KBTBD13: variants seen among roughly 807,000 people sequenced by gnomAD.
KBTBD13 encodes the protein kelch repeat and BTB domain-containing protein 13.
A neutral mutation model predicts 25.4 loss-of-function variants in KBTBD13; 32 were observed. The observed-to-expected ratio is 1.26, with a 90% CI of 0.95 to 1.69. The LOEUF is 1.69. Ranked by LOEUF, KBTBD13 falls within the 40% of genes most tolerant of loss-of-function variation. KBTBD13 has a pLI of 0.00. For synonymous variants in KBTBD13, 436 were observed against 329.8 expected, an observed-to-expected ratio of 1.32 and a Z score of -3.49; for missense variants, 898 against 679.5, an observed-to-expected ratio of 1.32 and a Z score of -3.57.
At position 65,077,485 on chromosome 15, in the gene KBTBD13, G is replaced by A. The variant is rs377035059; in HGVS notation, c.670G>A (p.Val224Met). The change falls in exon 1 of 1, where the codon GTG becomes ATG. Residue 224 changes from valine to methionine, a missense_variant. Physicochemically the swap from Val to Met is conservative, Grantham distance 21 (BLOSUM62 1). Transcript: ENST00000432196. ...VGGVRGASKE[V>M]VELGFCYDPD... ...GGGCGTGCGCGGCGCCAGCAAGGAGGTGGTAGAGCTGGGCTTCTGCTACGA... is the reference window on the plus strand; with the variant it reads ...GGGCGTGCGCGGCGCCAGCAAGGAGATGGTAGAGCTGGGCTTCTGCTACGA... 93 of 1,524,116 alleles carry A rather than the reference G, an allele frequency of 6.1e-5. No homozygotes were observed. Among genetic ancestry groups the A allele is most frequent in the Non-Finnish European group, 5.9e-5 (67 of 1,138,530 alleles). 94.4% of individuals were successfully genotyped at this position (1,524,116 alleles called of 1,614,324 possible).
Position 65,077,339 on chromosome 15 carries a change from G to A in KBTBD13, c.524G>A (p.Arg175His), listed in dbSNP as rs1226640143. Residue 175 changes from arginine (R) to histidine (H), a missense_variant, in exon 1 of 1, where the codon CGC becomes CAC. By Grantham distance (29) the Arg-to-His change is conservative (BLOSUM62 0). Transcript: ENST00000432196. ...CCCGGCTTCCTGGAGGACGCCTCGC[G>A]CACGCTGTGTTACCTGGACGAGGAA... ...PAPGFLEDAS[R>H]TLCYLDEEED... 6.8e-7 allele frequency: 1 copy of A among 1,462,570 alleles called. No individual in the cohort carries two copies. 90.6% of individuals were successfully genotyped at this position (1,462,570 alleles called of 1,614,324 possible). A position where few individuals can be genotyped will look rare whatever the true frequency, so the allele number is the denominator to read the frequency against.
rs192935606 is a variant in KBTBD13 at position 65,077,212 on chromosome 15, G to A, written c.397G>A (p.Glu133Lys). 15 of 1,448,058 alleles carry A rather than the reference G, an allele frequency of 1.0e-5. No individual in the cohort carries two copies. Among genetic ancestry groups the A allele is most frequent in the African/African-American group, 4.5e-5 (3 of 67,352 alleles). 89.7% of individuals were successfully genotyped at this position (1,448,058 alleles called of 1,614,324 possible). ...TGCCGCGCTCTTCATCTGCGACGGCGAGCGCGAGCTGGCGGCCGAACTGGC... is the reference window on the plus strand; with the variant it reads ...TGCCGCGCTCTTCATCTGCGACGGCAAGCGCGAGCTGGCGGCCGAACTGGC... ...HSAALFICDG[E>K]RELAAELALP... is the part of the protein sequence containing the mutation. The change falls in exon 1 of 1, where the codon GAG becomes AAG. Residue 133 changes from glutamate to lysine, a missense_variant. Glu to Lys is a moderately conservative substitution (Grantham distance 56, BLOSUM62 1). Transcript: ENST00000432196.
In KBTBD13 at chr15:65,077,945, G is replaced by A. The variant is rs1302449571; in HGVS notation, c.1130G>A (p.Gly377Asp). 48 of 1,611,518 alleles carry A rather than the reference G, an allele frequency of 3.0e-5. No homozygotes were observed. The highest frequency in any genetic ancestry group is 4.1e-5 in the Non-Finnish European group (48 of 1,179,798). The change falls in exon 1 of 1, where the codon GGC (glycine) becomes GAC (aspartate). Residue 377 changes from glycine (G) to aspartate (D), a missense_variant. Gly to Asp is a moderately conservative substitution (Grantham distance 94, BLOSUM62 -1). Coordinates refer to ENST00000432196, the MANE Select transcript of KBTBD13 (RefSeq NM_001101362.3). ...CAIDCLNLAT[G>D]QWTALPGQFV... is the part of the protein sequence containing the mutation. ...ATCGACTGTCTCAACCTGGCCACGG[G>A]CCAGTGGACGGCGCTGCCCGGCCAG...
chr15:65,077,496 G>T lies in KBTBD13; in HGVS notation c.681G>T (p.Leu227=). 1 of 1,523,522 alleles carries T rather than the reference G, an allele frequency of 6.6e-7. No individual in the cohort carries two copies. The highest frequency in any genetic ancestry group is 8.8e-7 in the Non-Finnish European group (1 of 1,137,124). The allele number at this position is 1,523,522 out of a possible 1,614,324, so 94.4% of individuals were successfully genotyped here. A position where few individuals can be genotyped will look rare whatever the true frequency, so the allele number is the denominator to read the frequency against. The change falls in exon 1 of 1, where the codon CTG becomes CTT. Residue 227 remains leucine (L), a synonymous_variant. Transcript: ENST00000432196. ...VRGASKEVVE[L]GFCYDPDGGT... The stretch of plus-strand genomic sequence containing the variant: ...GCGCCAGCAAGGAGGTGGTAGAGCT[G>T]GGCTTCTGCTACGACCCCGACGGCG...
At position 65,077,648 on chromosome 15, in the gene KBTBD13, ACGACCCAGCCGCGGGCTG is replaced by A; in HGVS notation, c.835_852del (p.Asp279_Cys284del). ...ACGCCCATCAGCTCCGTGGAGCGCT[ACGACCCAGCCGCGGGCTG>A]CTGGAGTTTCGTGGCCGACCTGCCG... On this transcript the variant is annotated inframe_deletion, in exon 1 of 1. Transcript: ENST00000432196. The A allele has an allele frequency of 2.5e-6, 4 of 1,590,380 alleles. No homozygotes were observed. Among genetic ancestry groups the A allele is most frequent in the Non-Finnish European group, 3.4e-6 (4 of 1,173,984 alleles).
Position 65,078,051 on chromosome 15 carries a change from G to A in KBTBD13, c.1236G>A (p.Leu412=). ...TVYTVNRMFT[L]LYAIEGGTWR... is the part of the protein sequence containing the mutation. ...ATACGGTCAACCGCATGTTCACGCT[G>A]CTCTACGCCATCGAGGGCGGCACCT... is the stretch of plus-strand genomic sequence containing the variant. Residue 412 remains leucine (L), a synonymous_variant, in exon 1 of 1, where the codon CTG becomes CTA. Transcript: ENST00000432196. 1 of 1,601,842 alleles carries A rather than the reference G, an allele frequency of 6.2e-7. No homozygotes were observed. The highest frequency in any genetic ancestry group is 8.5e-7 in the Non-Finnish European group (1 of 1,179,234).
rs200804273 is a variant in KBTBD13, at chr15:65,077,816, C to T, written c.1001C>T (p.Ala334Val). The T allele has an allele frequency of 1.9e-6, 3 of 1,603,456 alleles. No homozygotes were observed. Among genetic ancestry groups the T allele is most frequent in the Non-Finnish European group, 2.5e-6 (3 of 1,178,006 alleles). The change falls in exon 1 of 1, where the codon GCC becomes GTC. Residue 334 changes from alanine to valine, a missense_variant. Coordinates refer to ENST00000432196, the MANE Select transcript of KBTBD13 (RefSeq NM_001101362.3). The stretch of plus-strand genomic sequence containing the variant: ...CGGACCGACGCGTGGCTGCCAGTGG[C>T]CGAGCTGCGGCGTCCGCAGAGCTAT... ...AVRTDAWLPVAELRRPQSYGH... is the reference protein window; with the variant it reads ...AVRTDAWLPVVELRRPQSYGH...
rs749268715 is a variant in KBTBD13, at chr15:65,077,457, G to A, written c.642G>A (p.Val214=). 6.6e-7 allele frequency: 1 copy of A among 1,525,458 alleles called. No homozygotes were observed. The highest frequency in any genetic ancestry group is 2.0e-5 in the Admixed American group (1 of 50,864). The allele number at this position is 1,525,458 out of a possible 1,614,324, so 94.5% of individuals were successfully genotyped here. ...VATLGNKLYI[V]GGVRGASKEV... ...CGCTGGGCAACAAGCTTTACATCGT[G>A]GGGGGCGTGCGCGGCGCCAGCAAGG... Residue 214 remains valine, a synonymous_variant, in exon 1 of 1, where the codon GTG becomes GTA. Transcript: ENST00000432196.
rs541447859 is a variant in KBTBD13, at chr15:65,079,498, T to G, written c.*1306T>G. 2.0e-5 allele frequency among the ~76,000 whole-genome samples: 3 copies of G among 152,352 alleles called. No homozygotes were observed. In the East Asian group the frequency reaches 5.8e-4, roughly 29 times the overall value. Reference sequence around the variant, plus strand: ...TGTTAAGTGAGCTGGGGGACTTCCCTGTCCCAGATTAAAATGATGATGCCT... The same window carrying G: ...TGTTAAGTGAGCTGGGGGACTTCCCGGTCCCAGATTAAAATGATGATGCCT... On this transcript the variant is annotated 3_prime_UTR_variant, in exon 1 of 1. Coordinates refer to ENST00000432196, the MANE Select transcript of KBTBD13 (RefSeq NM_001101362.3).
rs1411140043 is a variant in KBTBD13, at chr15:65,079,496, C to T, written c.*1304C>T. 2.0e-5 allele frequency among the ~76,000 whole-genome samples: 3 copies of T among 152,174 alleles called. No homozygotes were observed. Among genetic ancestry groups the T allele is most frequent in the African/African-American group, 7.2e-5 (3 of 41,436 alleles). The stretch of plus-strand genomic sequence containing the variant: ...CCTGTTAAGTGAGCTGGGGGACTTC[C>T]CTGTCCCAGATTAAAATGATGATGC... On this transcript the variant is annotated 3_prime_UTR_variant, in exon 1 of 1. Transcript: ENST00000432196.
rs781438362 is a variant in KBTBD13, at chr15:65,077,062, G to T, written c.247G>T (p.Glu83Ter). 3 of 1,512,780 alleles carry T rather than the reference G, an allele frequency of 2.0e-6. No individual in the cohort carries two copies. Among genetic ancestry groups the T allele is most frequent in the Non-Finnish European group, 2.6e-6 (3 of 1,132,896 alleles). The allele number at this position is 1,512,780 out of a possible 1,614,324, so 93.7% of individuals were successfully genotyped here. The part of the protein sequence containing the change: ...AAEDELLQAV[E>*]CAAFLQAPAL... ...GGAGGACGAGCTGCTGCAGGCCGTG[G>T]AGTGCGCCGCCTTCCTCCAGGCGCC... is the stretch of plus-strand genomic sequence containing the variant. The change falls in exon 1 of 1, where the codon GAG becomes TAG. Residue 83 changes from glutamate to a stop codon, truncating the protein, a stop_gained. Transcript: ENST00000432196. LOFTEE classifies it high-confidence loss of function.
At position 65,077,817 on chromosome 15, in the gene KBTBD13, C is replaced by G. The variant is rs778319467; in HGVS notation, c.1002C>G (p.Ala334=). 127 of 1,603,528 alleles carry G rather than the reference C, an allele frequency of 7.9e-5. No homozygotes were observed. Among genetic ancestry groups the G allele is most frequent in the Non-Finnish European group, 1.0e-4 (122 of 1,178,044 alleles). Reference sequence around the variant, plus strand: ...GGACCGACGCGTGGCTGCCAGTGGCCGAGCTGCGGCGTCCGCAGAGCTATG... The same window carrying G: ...GGACCGACGCGTGGCTGCCAGTGGCGGAGCTGCGGCGTCCGCAGAGCTATG... ...AVRTDAWLPV[A]ELRRPQSYGH... is the part of the protein sequence containing the mutation. Residue 334 remains alanine (A), a synonymous_variant, in exon 1 of 1, where the codon GCC becomes GCG. Coordinates refer to ENST00000432196, the MANE Select transcript of KBTBD13 (RefSeq NM_001101362.3).
Position 65,077,570 on chromosome 15 carries a change from C to T in KBTBD13, c.755C>T (p.Ala252Val), listed in dbSNP as rs1358469782. ...CCGCACCAGCCGCGCTATGACACAG[C>T]GCTGGCCGGCTTCGACGGCCGCCTC... ...PSPHQPRYDT[A>V]LAGFDGRLYA... The change falls in exon 1 of 1, where the codon GCG becomes GTG. Residue 252 changes from alanine (A) to valine (V), a missense_variant. Transcript: ENST00000432196. The T allele has an allele frequency of 6.4e-7, 1 of 1,556,844 alleles. No homozygotes were observed. Among genetic ancestry groups the T allele is most frequent in the Non-Finnish European group, 8.6e-7 (1 of 1,158,876 alleles).
chr15:65,078,312 G>A lies in KBTBD13; in HGVS notation c.*120G>A. The A allele has an allele frequency of 7.2e-7, 1 of 1,380,146 alleles. No individual in the cohort carries two copies. The highest frequency in any genetic ancestry group is 9.6e-7 in the Non-Finnish European group (1 of 1,039,730). 85.5% of individuals were successfully genotyped at this position (1,380,146 alleles called of 1,614,324 possible). ...TCCCTCTTTCTACTGAGACACCCAG[G>A]TTTGGTGCCTTCTGGTGGTGTGGAC... On this transcript the variant is annotated 3_prime_UTR_variant, in exon 1 of 1. Coordinates refer to ENST00000432196, the MANE Select transcript of KBTBD13 (RefSeq NM_001101362.3).
At position 65,077,207 on chromosome 15, in the gene KBTBD13, A is replaced by G. The variant is rs980512353; in HGVS notation, c.392A>G (p.Asp131Gly). Residue 131 changes from aspartate (D) to glycine (G), a missense_variant, in exon 1 of 1, where the codon GAC (aspartate) becomes GGC (glycine). By Grantham distance (94) the Asp-to-Gly change is moderately conservative. Transcript: ENST00000432196. ...CACAGTGCCGCGCTCTTCATCTGCG[A>G]CGGCGAGCGCGAGCTGGCGGCCGAA... ...VFHSAALFIC[D>G]GERELAAELA... 1 of 1,451,146 alleles carries G rather than the reference A, an allele frequency of 6.9e-7. No individual in the cohort carries two copies. The highest frequency in any genetic ancestry group is 1.3e-5 in the South Asian group (1 of 74,364). 89.9% of individuals were successfully genotyped at this position (1,451,146 alleles called of 1,614,324 possible). A position where few individuals can be genotyped will look rare whatever the true frequency, so the allele number is the denominator to read the frequency against.
chr15:65,077,575 G>C lies in KBTBD13; in HGVS notation c.760G>C (p.Ala254Pro). ...PHQPRYDTAL[A>P]GFDGRLYAIG... ...CCAGCCGCGCTATGACACAGCGCTG[G>C]CCGGCTTCGACGGCCGCCTCTACGC... The change falls in exon 1 of 1, where the codon GCC becomes CCC. Residue 254 changes from alanine to proline, a missense_variant. Transcript: ENST00000432196. 1 of 1,558,890 alleles carries C rather than the reference G, an allele frequency of 6.4e-7. No individual in the cohort carries two copies. Among genetic ancestry groups the C allele is most frequent in the Non-Finnish European group, 8.6e-7 (1 of 1,159,938 alleles).
Position 65,077,395 on chromosome 15 carries a change from CCCCTGGAGGCCAGCACGTTGCTGGCCGGG to C in KBTBD13, c.581_609del (p.Pro194ArgfsTer47). 1 of 1,521,940 alleles carries C rather than the reference CCCCTGGAGGCCAGCACGTTGCTGGCCGGG, an allele frequency of 6.6e-7. No homozygotes were observed. The highest frequency in any genetic ancestry group is 8.8e-7 in the Non-Finnish European group (1 of 1,137,880). 94.3% of individuals were successfully genotyped at this position (1,521,940 alleles called of 1,614,324 possible). On this transcript the variant is annotated frameshift_variant, in exon 1 of 1. Coordinates refer to ENST00000432196, the MANE Select transcript of KBTBD13 (RefSeq NM_001101362.3). LOFTEE classifies it high-confidence loss of function. ...CGCGTGGCGCACGCTGGCTGCGCTG[CCCCTGGAGGCCAGCACGTTGCTGGCCGGG>C]GTGGCCACGCTGGGCAACAAGCTTT... is the stretch of plus-strand genomic sequence containing the variant.
chr15:65,077,610 C>T lies in KBTBD13; in HGVS notation c.795C>T (p.Gly265=), dbSNP rs577503698. Residue 265 remains glycine, a synonymous_variant, in exon 1 of 1, where the codon GGC becomes GGT. Transcript: ENST00000432196. The part of the protein sequence containing the change: ...GFDGRLYAIG[G]EFQRTPISSV... ...ACGGCCGCCTCTACGCCATCGGCGG[C>T]GAATTCCAGAGGACGCCCATCAGCT... 1.5e-4 allele frequency: 232 copies of T among 1,582,590 alleles called. 2 individuals carry two copies. The South Asian group carries it at 2.4e-3, about 17-fold the overall frequency.
chr15:65,077,199 C>A lies in KBTBD13; in HGVS notation c.384C>A (p.Phe128Leu). The change falls in exon 1 of 1, where the codon TTC (phenylalanine) becomes TTA (leucine). Residue 128 changes from phenylalanine (F) to leucine (L), a missense_variant. Phe to Leu is a conservative substitution (Grantham distance 22, BLOSUM62 0). Coordinates refer to ENST00000432196, the MANE Select transcript of KBTBD13 (RefSeq NM_001101362.3). ...ACGTGTTCCACAGTGCCGCGCTCTT[C>A]ATCTGCGACGGCGAGCGCGAGCTGG... ...LRDVFHSAALFICDGERELAA... is the reference protein window; with the variant it reads ...LRDVFHSAALLICDGERELAA... 6.9e-7 allele frequency: 1 copy of A among 1,459,196 alleles called. No homozygotes were observed. The highest frequency in any genetic ancestry group is 9.0e-7 in the Non-Finnish European group (1 of 1,107,564). The allele number at this position is 1,459,196 out of a possible 1,614,324, so 90.4% of individuals were successfully genotyped here.
Sources: gnomAD v4.1 joint callset for allele counts (sites outside exome capture counted in the v4.1 genomes callset) on GRCh38, gnomAD v4.1.1 for gene constraint, MANE v1.5 for transcripts, NCBI Gene and HGNC (gene_info 2026-07-23, HGNC 2026-07-21) for gene names.